Variants in GMDS observed in about 807,000 individuals in gnomAD.
The protein encoded by GMDS is GDP-mannose 4,6-dehydratase, also known as GDP-mannose 4,6 dehydratase.
A neutral mutation model predicts 49.9 loss-of-function variants in GMDS; 20 were observed. The ratio of observed to expected loss-of-function variants is 0.40; its 90% CI spans 0.28 to 0.58. The LOEUF (loss-of-function observed/expected upper bound fraction) is 0.58, where lower values mean the gene tolerates loss of function less well. Ranked by LOEUF, GMDS falls within the 20% of genes least tolerant of loss-of-function variation. GMDS has a pLI of 0.42. For missense variants in GMDS, 362 were observed against 481.4 expected, an observed-to-expected ratio of 0.75 and a Z score of 2.32; for synonymous variants, 177 against 178.6, an observed-to-expected ratio of 0.99 and a Z score of 0.07.
chr6:2,045,114 T>G (rs1040682558), intron 4 of GMDS, among the ~76,000 whole-genome samples: 1 of 152,154 alleles, frequency 6.6e-6, no homozygotes, highest in African/African-American at 2.4e-5. Context: ...TAGATTTTCT[T>G]GAATTAATTT....
intron 4 of GMDS, among the ~76,000 whole-genome samples, chr6:2,000,007 TA>T (rs1766665070): frequency 1.2e-4 from 1 of 8,140 alleles, no homozygotes; most frequent in Non-Finnish European, 3.7e-4. Flanking sequence ...TATATATATA[TA>T]TTTTTTATAT....
intron 4 of GMDS, among the ~76,000 whole-genome samples, chr6:2,013,838 A>G (rs1213712857): frequency 1.5e-5 from 1 of 68,424 alleles, no homozygotes; most frequent in Non-Finnish European, 2.8e-5. Flanking sequence ...AAAGAAAGGA[A>G]GAAATGGCTG....
At chr6:1,733,814 T>A (rs1429993238) in intron 8 of GMDS, among the ~76,000 whole-genome samples, 1 of 151,034 alleles carries the variant, frequency 6.6e-6, no homozygotes, top group South Asian at 2.1e-4. Flanking sequence ...ATCGTGCTAC[T>A]GCACTCCAGC....
intron 8 of GMDS, among the ~76,000 whole-genome samples, chr6:1,735,833 T>C (rs1346166831): frequency 6.6e-5 from 10 of 152,240 alleles, no homozygotes; most frequent in Admixed American, 6.5e-4. Context: ...TGCACAGATA[T>C]TTGTAAATAA....
intron 1 of GMDS, among the ~76,000 whole-genome samples, chr6:2,184,584 A>C (rs1221240257): frequency 2.0e-5 from 3 of 152,210 alleles, no homozygotes; most frequent in Non-Finnish European, 4.4e-5. Flanking sequence ...CCGGACCTAC[A>C]TAGCTATCAT....
At chr6:1,818,670 A>G (rs1770770283) in intron 7 of GMDS, among the ~76,000 whole-genome samples, 1 of 151,866 alleles carries the variant, frequency 6.6e-6, no homozygotes, top group African/African-American at 2.4e-5. Flanking sequence ...GGTGGGAAAA[A>G]CACTAGTACA....
chr6:2,002,162 G>T (rs537326139), intron 4 of GMDS, among the ~76,000 whole-genome samples: 1 of 152,276 alleles, frequency 6.6e-6, no homozygotes, highest in East Asian at 1.9e-4. Context: ...CATTTCCTTT[G>T]TTCCACCATC....
At chr6:1,647,157 T>G (rs1475858696) in intron 9 of GMDS, among the ~76,000 whole-genome samples, 1 of 152,188 alleles carries the variant, frequency 6.6e-6, no homozygotes, top group Non-Finnish European at 1.5e-5. Flanking sequence ...CAAGAAACAA[T>G]GACCAGGAAG....
intron 4 of GMDS, among the ~76,000 whole-genome samples, chr6:1,988,017 C>T (rs1289096985): frequency 2.0e-5 from 3 of 152,248 alleles, no homozygotes; most frequent in East Asian, 3.9e-4. Context: ...ATAAGGAAAA[C>T]AACCAAACCA....
At chr6:2,241,137 C>T (rs946306055) in intron 1 of GMDS, among the ~76,000 whole-genome samples, 2 of 152,148 alleles carry the variant, frequency 1.3e-5, no homozygotes, top group Non-Finnish European at 2.9e-5. Flanking sequence ...GAGACAGGCC[C>T]GGGGCACAGC....
intron 7 of GMDS, among the ~76,000 whole-genome samples, chr6:1,887,179 T>C (rs1206668737): frequency 1.3e-5 from 2 of 152,180 alleles, no homozygotes; most frequent in Admixed American, 6.5e-5. Context: ...ACCTTTTTGA[T>C]AATCTTAATA....
rs535915241 is a variant in GMDS at position 1,878,882 on chromosome 6, A to C, written c.771+51221T>G. On this transcript the variant is annotated intron_variant, in intron 7 of 10. Transcript: ENST00000380815. ...AGAAAGCAGGGTTTGAAAGAGCCCC[A>C]GCCTTTTCTAAATATACCTGGGCCC... Among the ~76,000 whole-genome samples the C allele has an allele frequency of 5.3e-3, 808 of 152,292 alleles. 6 individuals are homozygous for C. Among genetic ancestry groups the C allele is most frequent in the African/African-American group, 0.019 (775 of 41,558 alleles).
intron 1 of GMDS, among the ~76,000 whole-genome samples, chr6:2,216,193 T>C (rs1780326454): frequency 6.6e-6 from 1 of 152,204 alleles, no homozygotes; most frequent in South Asian, 2.1e-4. Context: ...TTAGATTAAA[T>C]AGTTTTAAAG....
At chr6:2,081,037 G>A (rs751161465) in intron 4 of GMDS, among the ~76,000 whole-genome samples, 1 of 152,036 alleles carries the variant, frequency 6.6e-6, no homozygotes, top group Non-Finnish European at 1.5e-5. Context: ...GCCATTGTAT[G>A]GGCTCATACA....
chr6:1,762,349 C>T (rs188020440), intron 7 of GMDS, among the ~76,000 whole-genome samples: 19 of 152,348 alleles, frequency 1.2e-4, no homozygotes, highest in African/African-American at 3.8e-4. Context: ...CTCCTGCTGA[C>T]GGGTTACTCA....
At position 1,928,511 on chromosome 6, in the gene GMDS, AT is replaced by A. The variant is rs139346309; in HGVS notation, c.771+1591del. Reference sequence around the variant, plus strand: ...CTCATATTTTTCAGTAGGTAAGGTCATTTAGGTTAGACAAAAGAAAGTTTTG... The same window carrying A: ...CTCATATTTTTCAGTAGGTAAGGTCATTAGGTTAGACAAAAGAAAGTTTTG... On this transcript the variant is annotated intron_variant, in intron 7 of 10. Coordinates refer to ENST00000380815, the MANE Select transcript of GMDS (RefSeq NM_001500.4). Among the ~76,000 whole-genome samples the A allele has an allele frequency of 9.3e-3, 1,416 of 152,348 alleles. 22 individuals carry two copies. Among genetic ancestry groups the A allele is most frequent in the African/African-American group, 0.033 (1,352 of 41,568 alleles).
intron 1 of GMDS, among the ~76,000 whole-genome samples, chr6:2,175,350 A>C (rs1269353884): frequency 6.6e-6 from 1 of 152,212 alleles, no homozygotes; most frequent in Non-Finnish European, 1.5e-5. Context: ...AATAACAAAA[A>C]TATGGTTCCT....
intron 9 of GMDS, among the ~76,000 whole-genome samples, chr6:1,722,605 TTTGAAAGAAGTCC>T (rs1766425801): frequency 6.6e-6 from 1 of 152,216 alleles, no homozygotes; most frequent in Non-Finnish European, 1.5e-5. Context: ...CCAGTAATTC[TTTGAAAGAAGTCC>T]TATTATTAAT....
intron 6 of GMDS, among the ~76,000 whole-genome samples, chr6:1,933,637 T>C (rs962831985): frequency 6.6e-6 from 1 of 152,234 alleles, no homozygotes; most frequent in South Asian, 2.1e-4. Context: ...CAACTACCTT[T>C]TCATGTGCCT....
Sources: allele counts gnomAD v4.1 joint callset (sites outside exome capture counted in the v4.1 genomes callset), GRCh38; gene constraint gnomAD v4.1.1; transcripts MANE v1.5; gene names NCBI Gene and HGNC (gene_info 2026-07-23, HGNC 2026-07-21).